PIBF1: variants seen among roughly 807,000 people sequenced by gnomAD.
The protein encoded by PIBF1 is progesterone immunomodulatory binding factor 1.
Under a neutral mutation model 112.5 loss-of-function variants are expected in PIBF1, and 90 were observed. The observed-to-expected ratio is 0.80, with a 90% CI of 0.67 to 0.95. PIBF1 has a LOEUF of 0.95. PIBF1 is among the 40% of genes least tolerant of loss of function. PIBF1 has a pLI of 0.00. For synonymous variants in PIBF1, 301 were observed against 288.6 expected, an observed-to-expected ratio of 1.04 and a Z score of -0.44; for missense variants, 915 against 852.3, an observed-to-expected ratio of 1.07 and a Z score of -0.92.
At chr13:72,965,742 C>T (rs575696854) in intron 15 of PIBF1, among the ~76,000 whole-genome samples, 2 of 151,232 alleles carry the variant, frequency 1.3e-5, no homozygotes, top group African/African-American at 2.4e-5. Flanking sequence ...AGGAATAAAA[C>T]CAGATGCCAT....
At position 72,806,386 on chromosome 13, in the gene PIBF1, T is replaced by A. The variant is rs545598345; in HGVS notation, c.672+8360T>A. ...GTGACAGAATTTTCTTTTTTTTTTT[T>A]ATTGTACTTTAAGTTCTGGGGTACA... On this transcript the variant is annotated intron_variant, in intron 5 of 17. Coordinates refer to ENST00000326291, the MANE Select transcript of PIBF1 (RefSeq NM_006346.4). 9.6e-4 allele frequency among the ~76,000 whole-genome samples: 146 copies of A among 152,102 alleles called. 1 individual carries two copies. Among genetic ancestry groups the A allele is most frequent in the African/African-American group, 3.2e-3 (131 of 41,494 alleles).
chr13:72,971,972 G>A (rs2042903024), intron 15 of PIBF1, among the ~76,000 whole-genome samples: 1 of 149,950 alleles, frequency 6.7e-6, no homozygotes, highest in African/African-American at 2.5e-5. Flanking sequence ...AAAAAAGTCT[G>A]CCAAATATTA....
chr13:72,859,131 T>C (rs531097109), intron 10 of PIBF1, among the ~76,000 whole-genome samples: 37 of 152,184 alleles, frequency 2.4e-4, no homozygotes, highest in Middle Eastern at 3.2e-3. Flanking sequence ...TTTAAGTGTA[T>C]GGCATAGATT....
chr13:72,800,675 A>T (rs576197220), intron 5 of PIBF1, among the ~76,000 whole-genome samples: 3 of 152,344 alleles, frequency 2.0e-5, no homozygotes, highest in African/African-American at 7.2e-5. Flanking sequence ...GGTACTTGGG[A>T]TACCTTGTTA....
chr13:73,016,375 T>C lies in PIBF1; in HGVS notation c.*456T>C, dbSNP rs1268103994. 6.6e-6 allele frequency: 1 copy of C among 152,186 alleles called. No individual in the cohort carries two copies. The highest frequency in any genetic ancestry group is 6.5e-5 in the Admixed American group (1 of 15,280). 9.4% of individuals were successfully genotyped at this position (152,186 alleles called of 1,614,324 possible). A position where few individuals can be genotyped will look rare whatever the true frequency, so the allele number is the denominator to read the frequency against. ...AGATGGATACAGATTGTTGACTCTT[T>C]TGAAGTTGTTTTTTTCTTATATTTT... On this transcript the variant is annotated 3_prime_UTR_variant, in exon 18 of 18. Transcript: ENST00000326291.
At position 72,931,718 on chromosome 13, in the gene PIBF1, G is replaced by GTATATATATATATATATATATATATATA. The variant is rs3077704; in HGVS notation, c.1833+476_1833+477insATATATATATATATATATATATATATAT. Among the ~76,000 whole-genome samples, 84 of 101,922 alleles carry GTATATATATATATATATATATATATATA rather than the reference G, an allele frequency of 8.2e-4. 1 individual carries two copies. Among genetic ancestry groups the GTATATATATATATATATATATATATATA allele is most frequent in the South Asian group, 2.4e-3 (6 of 2,540 alleles). The allele number at this position is 101,922 out of a possible 152,430, so 66.9% of individuals were successfully genotyped here. A position where few individuals can be genotyped will look rare whatever the true frequency, so the allele number is the denominator to read the frequency against. On this transcript the variant is annotated intron_variant, in intron 14 of 17. Transcript: ENST00000326291. ...CTTAGCCTTATGTCATTTAAACTAC[G>GTATATATATATATATATATATATATATA]TATATATATATATATATATATATAT...
At chr13:72,971,031 A>G (rs960029647) in intron 15 of PIBF1, among the ~76,000 whole-genome samples, 1 of 152,204 alleles carries the variant, frequency 6.6e-6, no homozygotes. Context: ...CTATTTAATT[A>G]TAGAATACTT....
rs67211238 is a variant in PIBF1, at chr13:72,952,035, C to CTTTTTTTTTTTTTT, written c.1834-13235_1834-13222dup. On this transcript the variant is annotated intron_variant, in intron 14 of 17. Coordinates refer to ENST00000326291, the MANE Select transcript of PIBF1 (RefSeq NM_006346.4). ...AATTTCTTTCTTTCTTTTCTTTTCT[C>CTTTTTTTTTTTTTT]TTTTTTTTTTTTTTTTTGAGATGGA... Among the ~76,000 whole-genome samples the CTTTTTTTTTTTTTT allele has an allele frequency of 1.2e-4, 15 of 122,998 alleles. 1 individual carries two copies. Among genetic ancestry groups the CTTTTTTTTTTTTTT allele is most frequent in the Non-Finnish European group, 1.9e-4 (11 of 59,142 alleles). 80.7% of individuals were successfully genotyped at this position (122,998 alleles called of 152,430 possible).
intron 13 of PIBF1, among the ~76,000 whole-genome samples, chr13:72,927,592 G>A (rs941065951): frequency 1.3e-5 from 2 of 152,012 alleles, no homozygotes; most frequent in Non-Finnish European, 2.9e-5. Context: ...TTGCCATGTT[G>A]GCCAGGCTGG....
At chr13:72,891,026 A>T (rs1456962449) in intron 10 of PIBF1, among the ~76,000 whole-genome samples, 1 of 152,140 alleles carries the variant, frequency 6.6e-6, no homozygotes, top group Admixed American at 6.6e-5. Flanking sequence ...TTAGGAGATA[A>T]TTCTTGTTAC....
intron 14 of PIBF1, among the ~76,000 whole-genome samples, chr13:72,948,923 A>G (rs763993022): frequency 2.0e-4 from 30 of 150,686 alleles, no homozygotes; most frequent in Non-Finnish European, 3.4e-4. Flanking sequence ...TTCTGATGAC[A>G]TGTGGGGATT....
intron 11 of PIBF1, among the ~76,000 whole-genome samples, chr13:72,902,183 A>G (rs530078148): frequency 6.6e-6 from 1 of 152,304 alleles, no homozygotes; most frequent in South Asian, 2.1e-4. Flanking sequence ...GAGCTATGCT[A>G]TGAGGACGCA....
intron 13 of PIBF1, among the ~76,000 whole-genome samples, chr13:72,923,675 C>A (rs2041376298): frequency 6.6e-6 from 1 of 152,084 alleles, no homozygotes; most frequent in African/African-American, 2.4e-5. Flanking sequence ...TCTTGAAGAT[C>A]TTAGCAGGGC....
chr13:72,968,052 C>G (rs1332208833), intron 15 of PIBF1, among the ~76,000 whole-genome samples: 1 of 151,310 alleles, frequency 6.6e-6, no homozygotes, highest in Non-Finnish European at 1.5e-5. Flanking sequence ...GGCGTAGTGG[C>G]GGGCGCCTGT....
chr13:72,785,021 C>T (rs1229456306), intron 2 of PIBF1, among the ~76,000 whole-genome samples: 2 of 151,982 alleles, frequency 1.3e-5, no homozygotes, highest in Admixed American at 6.6e-5. Flanking sequence ...TACAAGTGCT[C>T]CCCACCATGC....
chr13:72,792,990 C>T (rs1195761081), intron 3 of PIBF1, among the ~76,000 whole-genome samples: 1 of 152,024 alleles, frequency 6.6e-6, no homozygotes, highest in Non-Finnish European at 1.5e-5. Context: ...ATAATACAAA[C>T]AATGAAATAA....
chr13:72,817,930 G>A (rs368915519), intron 5 of PIBF1, among the ~76,000 whole-genome samples: 6 of 152,006 alleles, frequency 3.9e-5, no homozygotes, highest in African/African-American at 4.8e-5. Flanking sequence ...TAATAATTTC[G>A]TTTAAGGGGA....
chr13:72,960,827 A>G (rs887896068), intron 14 of PIBF1, among the ~76,000 whole-genome samples: 1 of 152,240 alleles, frequency 6.6e-6, no homozygotes, highest in Non-Finnish European at 1.5e-5. Context: ...TTGAATGTTC[A>G]TAAAGTAACT....
At chr13:72,850,767 C>CTTTAT (rs1555297640) in intron 9 of PIBF1, among the ~76,000 whole-genome samples, 1,053 of 84,352 alleles carry the variant, frequency 0.012, 15 homozygotes, top group African/African-American at 0.065. Flanking sequence ...AGTTTGAGAA[C>CTTTAT]TTTATCTATA....
Sources: gnomAD v4.1 joint callset for allele counts (sites outside exome capture counted in the v4.1 genomes callset) on GRCh38, gnomAD v4.1.1 for gene constraint, MANE v1.5 for transcripts, NCBI Gene and HGNC (gene_info 2026-07-23, HGNC 2026-07-21) for gene names.